The following PRKCE variants were observed in gnomAD, a reference collection of about 807,000 sequenced individuals.
PRKCE encodes the protein protein kinase C epsilon, also known as protein kinase C epsilon type.
In PRKCE, 16 loss-of-function variants were observed where a neutral mutation model predicts 85.4. The observed-to-expected ratio is 0.19, with a 90% CI of 0.13 to 0.28. PRKCE has a LOEUF of 0.28. Among genes scored for constraint, PRKCE ranks in the 10% least tolerant of loss-of-function variants. The probability of loss-of-function intolerance (pLI) is 1.00; values close to 1 mark genes in which losing one functional copy is unlikely to be tolerated. For synonymous variants in PRKCE, 388 were observed against 371.5 expected (o/e 1.04, Z -0.51); for missense variants, 573 against 975.2 (o/e 0.59, Z 5.49).
chr2:45,843,802 T>A (rs1251848999), intron 2 of PRKCE, among the ~76,000 whole-genome samples: 2 of 152,178 alleles, frequency 1.3e-5, no homozygotes, highest in Non-Finnish European at 2.9e-5. Context: ...TGAAATGTAG[T>A]TATTGTGGCC....
chr2:45,874,821 C>T (rs913881711), intron 2 of PRKCE, among the ~76,000 whole-genome samples: 1 of 152,134 alleles, frequency 6.6e-6, no homozygotes, highest in Non-Finnish European at 1.5e-5. Context: ...TCAGAATATG[C>T]CACCAAACAG....
At chr2:45,998,284 C>T (rs1704379076) in intron 6 of PRKCE, among the ~76,000 whole-genome samples, 1 of 152,200 alleles carries the variant, frequency 6.6e-6, no homozygotes, top group Non-Finnish European at 1.5e-5. Context: ...GTGCTGAAGT[C>T]TCCAATTATA....
At chr2:45,959,476 G>A (rs1701234405) in intron 2 of PRKCE, among the ~76,000 whole-genome samples, 1 of 152,092 alleles carries the variant, frequency 6.6e-6, no homozygotes, top group Admixed American at 6.5e-5. Flanking sequence ...GCTGTGTTTG[G>A]AGAAAGAAGA....
chr2:45,849,510 TAATAAGA>T (rs1692071417), intron 2 of PRKCE, among the ~76,000 whole-genome samples: 1 of 152,188 alleles, frequency 6.6e-6, no homozygotes, highest in South Asian at 2.1e-4. Flanking sequence ...CTTCAGTCTT[TAATAAGA>T]AATGTCACTT....
intron 14 of PRKCE, among the ~76,000 whole-genome samples, chr2:46,180,776 CG>C (rs1195114381): frequency 6.6e-6 from 1 of 152,200 alleles, no homozygotes; most frequent in African/African-American, 2.4e-5. Flanking sequence ...TTACCACCCC[CG>C]TGTGACAGAT....
chr2:46,003,565 C>G (rs187474843), intron 7 of PRKCE, among the ~76,000 whole-genome samples: 14 of 152,308 alleles, frequency 9.2e-5, no homozygotes, highest in African/African-American at 2.9e-4. Context: ...ATCCTATAGT[C>G]TACTTAAGTG....
At chr2:45,689,918 A>T (rs1677598940) in intron 1 of PRKCE, among the ~76,000 whole-genome samples, 1 of 151,908 alleles carries the variant, frequency 6.6e-6, no homozygotes, top group African/African-American at 2.4e-5. Context: ...AAAAAAAAAA[A>T]AATGCTTGTC....
chr2:46,010,320 A>T, intron 9 of PRKCE, 24 bp from the exon 10 acceptor site: 1 of 1,577,398 alleles, frequency 6.3e-7, no homozygotes, highest in Non-Finnish European at 8.6e-7. Flanking sequence ...GCATAGATTG[A>T]TGGAGGCAAT....
intron 1 of PRKCE, among the ~76,000 whole-genome samples, chr2:45,809,080 G>A (rs1291240384): frequency 6.6e-6 from 1 of 152,234 alleles, no homozygotes; most frequent in East Asian, 1.9e-4. Context: ...CTCACTGAAG[G>A]GAAGGGCCTT....
At chr2:45,729,517 C>T (rs1292256005) in intron 1 of PRKCE, among the ~76,000 whole-genome samples, 2 of 152,152 alleles carry the variant, frequency 1.3e-5, no homozygotes, top group Non-Finnish European at 2.9e-5. Context: ...TCCTTTTCCC[C>T]CTCCTACAGC....
intron 1 of PRKCE, among the ~76,000 whole-genome samples, chr2:45,680,848 C>A (rs1365176037): frequency 6.6e-6 from 1 of 152,152 alleles, no homozygotes; most frequent in Non-Finnish European, 1.5e-5. Flanking sequence ...GTCTTAGGTA[C>A]CCTGAAGTTC....
chr2:45,834,968 T>A lies in PRKCE; in HGVS notation c.349-8032T>A, dbSNP rs948754904. On this transcript the variant is annotated intron_variant, in intron 1 of 14. Transcript: ENST00000306156. ...GACTCTCAAACCTACATTTTGGATGTGTTTATCTTGCTATTATTGTATTTT... is the reference window on the plus strand; with the variant it reads ...GACTCTCAAACCTACATTTTGGATGAGTTTATCTTGCTATTATTGTATTTT... Among the ~76,000 whole-genome samples the A allele has an allele frequency of 9.2e-5, 14 of 152,324 alleles. No homozygotes were observed. The East Asian group carries it at 1.5e-3, about 17-fold the overall frequency.
At chr2:46,105,498 G>A (rs1157531286) in intron 11 of PRKCE, among the ~76,000 whole-genome samples, 1 of 143,092 alleles carries the variant, frequency 7.0e-6, no homozygotes, top group Non-Finnish European at 1.5e-5. Flanking sequence ...CATTTATCTT[G>A]AGATGTCAGG....
chr2:45,742,631 G>T (rs759194579), intron 1 of PRKCE, among the ~76,000 whole-genome samples: 1 of 152,168 alleles, frequency 6.6e-6, no homozygotes, highest in African/African-American at 2.4e-5. Context: ...TGTTGGTGAG[G>T]ATGTGGAGAT....
rs569651784 is a variant in PRKCE, at chr2:45,958,816, ATTTTTTTTTTTTTTTTTT to A, written c.413-17591_413-17574del. Reference sequence around the variant, plus strand: ...CATATATATATATATATATATATATATTTTTTTTTTTTTTTTTTTTTTTTTTTTTTTTTTTTTTTAATA... The same window carrying A: ...CATATATATATATATATATATATATATTTTTTTTTTTTTTTTTTTTTAATA... On this transcript the variant is annotated intron_variant, in intron 2 of 14. Coordinates refer to ENST00000306156, the MANE Select transcript of PRKCE (RefSeq NM_005400.3). 8.6e-3 allele frequency among the ~76,000 whole-genome samples: 156 copies of A among 18,128 alleles called. 4 individuals are homozygous for A. The highest frequency in any genetic ancestry group is 0.023 in the African/African-American group (117 of 5,050). The allele number at this position is 18,128 out of a possible 152,430, so 11.9% of individuals were successfully genotyped here. A position where few individuals can be genotyped will look rare whatever the true frequency, so the allele number is the denominator to read the frequency against.
chr2:46,090,327 G>A (rs534187049), intron 11 of PRKCE, among the ~76,000 whole-genome samples: 14 of 152,234 alleles, frequency 9.2e-5, no homozygotes, highest in African/African-American at 2.9e-4. Context: ...AGCTGTGAGC[G>A]GCCTCCCCTG....
At position 45,718,601 on chromosome 2, in the gene PRKCE, C is replaced by A. The variant is rs370099269; in HGVS notation, c.348+66153C>A. On this transcript the variant is annotated intron_variant, in intron 1 of 14. Transcript: ENST00000306156. ...TAGTGATCGGCCCACCTCGGCCTCC[C>A]AAAGTGCTGGGATTATAGGCATGAG... 3.9e-3 allele frequency among the ~76,000 whole-genome samples: 599 copies of A among 152,184 alleles called. 1 individual carries two copies. The highest frequency in any genetic ancestry group is 6.8e-3 in the Non-Finnish European group (461 of 67,998).
At chr2:45,869,706 CTTTTTT>C (rs71394860) in intron 2 of PRKCE, among the ~76,000 whole-genome samples, 1 of 109,310 alleles carries the variant, frequency 9.1e-6, no homozygotes, top group Non-Finnish European at 1.8e-5. Flanking sequence ...TTCTCTCTCT[CTTTTTT>C]TTTTTTTTTT....
intron 2 of PRKCE, among the ~76,000 whole-genome samples, chr2:45,866,349 C>T (rs35279424): frequency 2.0e-5 from 3 of 151,744 alleles, no homozygotes; most frequent in Non-Finnish European, 2.9e-5. Context: ...GCTCTGTTAC[C>T]GAGGCTGGAA....
Sources: allele counts gnomAD v4.1 joint callset (sites outside exome capture counted in the v4.1 genomes callset), GRCh38; gene constraint gnomAD v4.1.1; transcripts MANE v1.5; gene names NCBI Gene and HGNC (gene_info 2026-07-23, HGNC 2026-07-21).